Variants in FRY observed in about 807,000 individuals in gnomAD.
The protein encoded by FRY is FRY microtubule binding protein.
A neutral mutation model predicts 348.4 loss-of-function variants in FRY; 128 were observed. The observed-to-expected ratio is 0.37, with a 90% CI of 0.32 to 0.43. The LOEUF is 0.43. Ranked by LOEUF, FRY falls within the 20% of genes least tolerant of loss-of-function variation. The pLI is 1.00. For synonymous variants in FRY, 1,370 were observed against 1,374.7 expected, an observed-to-expected ratio of 1.00 and a Z score of 0.08; for missense variants, 2,736 against 3,695.2, an observed-to-expected ratio of 0.74 and a Z score of 6.73.
rs117725725 is a variant in FRY at position 32,031,865 on chromosome 13, A to C, written c.70A>C (p.Thr24Pro). The C allele has an allele frequency of 8.8e-4, 1,309 of 1,482,142 alleles. 3 individuals carry two copies. Among genetic ancestry groups the C allele is most frequent in the Middle Eastern group, 8.3e-3 (37 of 4,482 alleles). The allele number at this position is 1,482,142 out of a possible 1,614,324, so 91.8% of individuals were successfully genotyped here. ...IKYLLKSWSN[T>P]SPVGNGYIKP... ...ATATTTACTGAAATCCTGGAGTAAT[A>C]GTGAGTAATAGAAAATAACCTTTTT... The change falls in exon 1 of 61, where the codon ACT becomes CCT. Residue 24 changes from threonine to proline, a missense_variant and splice_region_variant. By Grantham distance (38) the Thr-to-Pro change is conservative. Coordinates refer to ENST00000542859, the MANE Select transcript of FRY (RefSeq NM_023037.3).
intron 49 of FRY, among the ~76,000 whole-genome samples, chr13:32,250,330 T>C (rs2520711): frequency 0.48 from 72,771 of 152,094 alleles, 18,892 homozygotes; most frequent in Middle Eastern, 0.66. Context: ...AAGAAACTTA[T>C]TAACTTACTC....
intron 28 of FRY, among the ~76,000 whole-genome samples, chr13:32,189,593 A>G (rs751552390): frequency 1.3e-5 from 2 of 152,044 alleles, no homozygotes; most frequent in Admixed American, 1.3e-4. Context: ...ACAATACTAA[A>G]AAAAATCATA....
rs977334320 is a variant in FRY, at chr13:32,227,442, A to G, written c.5207-1014A>G. ...CAGGACTCCTCACTTCTAATTCAGT[A>G]TATCTATCAGACACACACCAGCACT... On this transcript the variant is annotated intron_variant, in intron 39 of 60. Coordinates refer to ENST00000542859, the MANE Select transcript of FRY (RefSeq NM_023037.3). 7.2e-5 allele frequency among the ~76,000 whole-genome samples: 11 copies of G among 152,194 alleles called. No individual in the cohort carries two copies. The East Asian group carries it at 9.6e-4, about 13-fold the overall frequency.
chr13:32,253,875 T>G (rs1887205523), intron 50 of FRY, among the ~76,000 whole-genome samples: 1 of 152,206 alleles, frequency 6.6e-6, no homozygotes, highest in South Asian at 2.1e-4. Context: ...ACATGTATAA[T>G]TTCTAACTCT....
chr13:32,114,692 C>G (rs1878190750), intron 3 of FRY, among the ~76,000 whole-genome samples: 1 of 152,194 alleles, frequency 6.6e-6, no homozygotes, highest in East Asian at 1.9e-4. Flanking sequence ...GTCAGAAACT[C>G]TGAATTCTGA....
intron 17 of FRY, among the ~76,000 whole-genome samples, chr13:32,163,174 G>C (rs1353522982): frequency 6.6e-6 from 1 of 152,154 alleles, no homozygotes. Flanking sequence ...CATTGGAGAG[G>C]GTGGCATGAC....
At position 32,297,000 on chromosome 13, in the gene FRY, A is replaced by G. The variant is rs2072072985; in HGVS notation, c.*1540A>G. ...AAAGTAGTAGAGTTGTAATTCTGTC[A>G]CCAACACCTATCCCCCAGGAACACA... On this transcript the variant is annotated 3_prime_UTR_variant, in exon 61 of 61. Coordinates refer to ENST00000542859, the MANE Select transcript of FRY (RefSeq NM_023037.3). 1 of 152,248 alleles carries G rather than the reference A, an allele frequency of 6.6e-6. No homozygotes were observed. The allele number at this position is 152,248 out of a possible 1,614,324, so 9.4% of individuals were successfully genotyped here.
At chr13:32,257,943 C>T (rs1349113494) in intron 51 of FRY, 3 of 1,601,594 alleles carry the variant, frequency 1.9e-6, no homozygotes, top group East Asian at 2.2e-5. Context: ...TGTTTTTCTG[C>T]TCATTCAATC....
At chr13:32,098,796 A>G (rs923179534) in intron 2 of FRY, among the ~76,000 whole-genome samples, 1 of 152,030 alleles carries the variant, frequency 6.6e-6, no homozygotes, top group Admixed American at 6.5e-5. Flanking sequence ...TGATGAATAA[A>G]CATATAGTAT....
intron 2 of FRY, chr13:32,086,120 G>A (rs1276328472): frequency 5.0e-6 from 2 of 402,228 alleles, no homozygotes; most frequent in Non-Finnish European, 4.9e-6. Context: ...TGAGAGTAGG[G>A]GTCTCAGAAA....
At chr13:32,279,487 G>A (rs1349409500) in intron 58 of FRY, among the ~76,000 whole-genome samples, 3 of 152,200 alleles carry the variant, frequency 2.0e-5, no homozygotes, top group Non-Finnish European at 2.9e-5. Context: ...GTGTTTAACA[G>A]CAATAATAAG....
At chr13:32,139,749 C>T (rs1380157881) in intron 11 of FRY, among the ~76,000 whole-genome samples, 2 of 152,094 alleles carry the variant, frequency 1.3e-5, no homozygotes, top group Non-Finnish European at 2.9e-5. Context: ...AACTCTTGGT[C>T]CGTGGTGACC....
At chr13:32,093,695 T>G (rs1876490554) in intron 2 of FRY, among the ~76,000 whole-genome samples, 1 of 152,180 alleles carries the variant, frequency 6.6e-6, no homozygotes. Context: ...GCGCCAAGTC[T>G]CAGTATTTTG....
chr13:32,051,612 A>C (rs1217784707), intron 1 of FRY, among the ~76,000 whole-genome samples: 2 of 152,262 alleles, frequency 1.3e-5, no homozygotes, highest in African/African-American at 2.4e-5. Flanking sequence ...TGTTAATGCA[A>C]GTTTGTATCA....
chr13:32,204,737 A>G (rs969989074), intron 31 of FRY, among the ~76,000 whole-genome samples: 8 of 152,218 alleles, frequency 5.3e-5, no homozygotes, highest in African/African-American at 9.7e-5. Flanking sequence ...GAGACCCAAT[A>G]AAAGCCTTTT....
At chr13:32,074,646 C>T (rs1029964465) in intron 1 of FRY, among the ~76,000 whole-genome samples, 5 of 152,040 alleles carry the variant, frequency 3.3e-5, no homozygotes, top group Non-Finnish European at 7.4e-5. Context: ...TCTACTTTAC[C>T]ACAATTAAAA....
chr13:32,263,504 A>G (rs1185464802), intron 53 of FRY, among the ~76,000 whole-genome samples: 2 of 152,190 alleles, frequency 1.3e-5, no homozygotes. Context: ...TCTTGGAATT[A>G]GCAGAGTTCT....
At chr13:32,170,200 C>T (rs575618185) in intron 17 of FRY, among the ~76,000 whole-genome samples, 115 of 152,290 alleles carry the variant, frequency 7.6e-4, no homozygotes, top group Non-Finnish European at 1.4e-3. Flanking sequence ...TTCTCCAGTA[C>T]TCAGGTTCCT....
chr13:32,274,463 T>C (rs560253068), intron 55 of FRY, among the ~76,000 whole-genome samples: 36 of 151,774 alleles, frequency 2.4e-4, no homozygotes, highest in Non-Finnish European at 2.4e-4. Flanking sequence ...ATCCCAGCAC[T>C]TTGGGAGGCC....
Sources: allele counts gnomAD v4.1 joint callset (sites outside exome capture counted in the v4.1 genomes callset), GRCh38; gene constraint gnomAD v4.1.1; transcripts MANE v1.5; gene names NCBI Gene and HGNC (gene_info 2026-07-23, HGNC 2026-07-21).